LPCAT3: variants seen among roughly 807,000 people sequenced by gnomAD.
The protein encoded by LPCAT3 is lysophospholipid acyltransferase 5.
Under a neutral mutation model 63.4 loss-of-function variants are expected in LPCAT3, and 21 were observed. The ratio of observed to expected loss-of-function variants is 0.33; its 90% CI spans 0.23 to 0.48. The LOEUF (loss-of-function observed/expected upper bound fraction) is 0.48. Ranked by LOEUF, LPCAT3 falls within the 20% of genes least tolerant of loss-of-function variation. LPCAT3 has a pLI of 0.99. For missense variants in LPCAT3, 451 were observed against 590.6 expected, an observed-to-expected ratio of 0.76 and a Z score of 2.45; for synonymous variants, 242 against 227.5, an observed-to-expected ratio of 1.06 and a Z score of -0.58.
intron 1 of LPCAT3, among the ~76,000 whole-genome samples, chr12:7,003,359 G>GTT (rs200605460): frequency 1.7e-4 from 24 of 137,982 alleles, no homozygotes; most frequent in African/African-American, 5.5e-4. Flanking sequence ...AGTAGGGTGA[G>GTT]TTTTTTTTTT....
intron 1 of LPCAT3, among the ~76,000 whole-genome samples, chr12:7,011,032 T>G (rs1421693740): frequency 6.6e-6 from 1 of 152,172 alleles, no homozygotes; most frequent in Non-Finnish European, 1.5e-5. Context: ...TTATTTATTT[T>G]TGAGACAGAA....
chr12:6,993,395 C>G (rs946706688), intron 1 of LPCAT3, among the ~76,000 whole-genome samples: 1 of 151,456 alleles, frequency 6.6e-6, no homozygotes, highest in Non-Finnish European at 1.5e-5. Flanking sequence ...GATTGCGCCA[C>G]TGCACTCCAG....
Position 6,981,167 on chromosome 12 carries a change from C to T in LPCAT3, c.514G>A (p.Glu172Lys). 1.2e-6 allele frequency: 2 copies of T among 1,609,332 alleles called. No individual in the cohort carries two copies. The highest frequency in any genetic ancestry group is 1.1e-5 in the South Asian group (1 of 90,404). Residue 172 changes from glutamate to lysine, a missense_variant, in exon 6 of 13, where the codon GAG (glutamate) becomes AAG (lysine). Glu to Lys is a moderately conservative substitution (Grantham distance 56). Around this residue, in one of 3 missense-constraint regions of LPCAT3, gnomAD observed 304 missense variants for 390.8 expected, o/e 0.78. Coordinates refer to ENST00000261407, the MANE Select transcript of LPCAT3 (RefSeq NM_005768.6). ...CCACGTATGGCATATTTCTGTTGCT[C>T]AGAGGACAAGGAATTCTATGCCAAG... ...GGKDQNSLSSEQQKYAIRGVP... is the reference protein window; with the variant it reads ...GGKDQNSLSSKQQKYAIRGVP...
At chr12:7,000,861 C>T (rs1946681103) in intron 1 of LPCAT3, among the ~76,000 whole-genome samples, 10 of 151,790 alleles carry the variant, frequency 6.6e-5, no homozygotes, top group Non-Finnish European at 1.3e-4. Flanking sequence ...TGCCCGCCAC[C>T]ACGCCTGGCT....
chr12:6,981,376 T>C, intron 5 of LPCAT3, 194 bp from the exon 6 acceptor site: 2 of 670,794 alleles, frequency 3.0e-6, no homozygotes, highest in South Asian at 1.9e-5. Flanking sequence ...CTTTAGCAAA[T>C]GCCTTGCTGG....
At chr12:6,981,252 C>T (rs1946468640) in intron 5 of LPCAT3, 70 bp from the exon 6 acceptor site, 1 of 1,294,558 alleles carries the variant, frequency 7.7e-7, no homozygotes, top group Non-Finnish European at 1.1e-6. Context: ...TTTGAGTGTT[C>T]CCCACCTGTG....
chr12:6,993,730 T>C (rs1555155768), intron 1 of LPCAT3, among the ~76,000 whole-genome samples: 1 of 152,250 alleles, frequency 6.6e-6, no homozygotes. Context: ...TTCCTGTTTA[T>C]GGCTGAATAA....
At chr12:7,009,388 G>T (rs1434827785) in intron 1 of LPCAT3, among the ~76,000 whole-genome samples, 1 of 152,156 alleles carries the variant, frequency 6.6e-6, no homozygotes, top group African/African-American at 2.4e-5. Context: ...GTACTATCAG[G>T]ACATCAAGTA....
Position 7,018,327 on chromosome 12 carries a change from G to A in LPCAT3, c.98C>T (p.Thr33Met). ...FQELSLNKLA[T>M]SLGASEQALR... ...CGCCTGTTCTGACGCGCCCAGGGAC[G>A]TCGCCAACTTGTTAAGGCTCAGCTC... Residue 33 changes from threonine (T) to methionine (M), a missense_variant, in exon 1 of 13, where the codon ACG (threonine) becomes ATG (methionine). Physicochemically the swap from Thr to Met is moderately conservative, Grantham distance 81. This residue lies in a region of LPCAT3 where 133 missense variants were observed against 152.1 expected (regional missense o/e 0.87). Transcript: ENST00000261407. This position sits in a 1 kb window ranked among gnomAD's most constrained non-coding sequence, Gnocchi z 4.9. 6.2e-7 allele frequency: 1 copy of A among 1,610,788 alleles called. No homozygotes were observed. Among genetic ancestry groups the A allele is most frequent in the Non-Finnish European group, 8.5e-7 (1 of 1,178,780 alleles).
At chr12:7,013,555 G>A (rs1490087120) in intron 1 of LPCAT3, among the ~76,000 whole-genome samples, 1 of 152,156 alleles carries the variant, frequency 6.6e-6, no homozygotes, top group African/African-American at 2.4e-5. Flanking sequence ...GATAGGATTG[G>A]GTGACTGGGA....
In LPCAT3 at chr12:6,985,072, A is replaced by AT. The variant is rs374834474; in HGVS notation, c.152-1534dup. Among the ~76,000 whole-genome samples the AT allele has an allele frequency of 1.5e-3, 204 of 133,796 alleles. 1 individual carries two copies. Among genetic ancestry groups the AT allele is most frequent in the African/African-American group, 5.6e-3 (196 of 34,906 alleles). The allele number at this position is 133,796 out of a possible 152,430, so 87.8% of individuals were successfully genotyped here. On this transcript the variant is annotated intron_variant, in intron 1 of 12. Coordinates refer to ENST00000261407, the MANE Select transcript of LPCAT3 (RefSeq NM_005768.6). ...TATGTTGGTTTCTGTCCTTCTAGTC[A>AT]TTTTTCCCCCATACATTAAAAAAAA...
chr12:7,003,449 T>C (rs1179304156), intron 1 of LPCAT3, among the ~76,000 whole-genome samples: 1 of 152,090 alleles, frequency 6.6e-6, no homozygotes, highest in Non-Finnish European at 1.5e-5. Flanking sequence ...TACTATCCAT[T>C]GGTTTTCAAT....
At chr12:7,008,868 C>T (rs1270617649) in intron 1 of LPCAT3, among the ~76,000 whole-genome samples, 2 of 152,090 alleles carry the variant, frequency 1.3e-5, no homozygotes, top group African/African-American at 4.8e-5. Flanking sequence ...AACATAATAA[C>T]AATGTGAACA....
intron 1 of LPCAT3, among the ~76,000 whole-genome samples, chr12:6,986,856 T>C (rs114193199): frequency 0.044 from 6,555 of 149,636 alleles, 232 homozygotes; most frequent in African/African-American, 0.098. Flanking sequence ...AGCTCACACC[T>C]GTAATCCCCT....
At chr12:7,003,356 TGA>T (rs1946702843) in intron 1 of LPCAT3, among the ~76,000 whole-genome samples, 1 of 150,380 alleles carries the variant, frequency 6.6e-6, no homozygotes, top group African/African-American at 2.5e-5. Context: ...GGGAGTAGGG[TGA>T]GTTTTTTTTT....
Position 7,018,198 on chromosome 12 carries a change from G to C in LPCAT3, c.151+76C>G, listed in dbSNP as rs868942352. On this transcript the variant is annotated intron_variant, in intron 1 of 12. Transcript: ENST00000261407. The surrounding 1 kb of genome is among the most constrained non-coding windows in gnomAD (Gnocchi z 4.9). ...CCTCCCGGGTGGCTCCGGGAAGAGA[G>C]GGAGGTCCTGTCCCCATTCCTCCCC... 1.3e-6 allele frequency: 2 copies of C among 1,529,724 alleles called. No individual in the cohort carries two copies. The highest frequency in any genetic ancestry group is 1.8e-6 in the Non-Finnish European group (2 of 1,128,340). 94.8% of individuals were successfully genotyped at this position (1,529,724 alleles called of 1,614,324 possible).
intron 2 of LPCAT3, 185 bp from the exon 3 acceptor site, chr12:6,982,967 T>C: frequency 1.5e-6 from 1 of 668,036 alleles, no homozygotes; most frequent in Non-Finnish European, 2.7e-6. Context: ...TAGGGTGTTA[T>C]TTTATTTCTT....
chr12:6,998,998 A>C (rs1403470279), intron 1 of LPCAT3, among the ~76,000 whole-genome samples: 2 of 152,232 alleles, frequency 1.3e-5, no homozygotes, highest in Non-Finnish European at 2.9e-5. Flanking sequence ...GGCACTTGGC[A>C]GTGACCTGGG....
At chr12:6,981,518 G>A (rs1442730790) in intron 5 of LPCAT3, 77 bp downstream of exon 5, 1 of 1,451,482 alleles carries the variant, frequency 6.9e-7, no homozygotes. Context: ...TGGAATTTGG[G>A]TTCAGTCTTT....
Sources: allele counts gnomAD v4.1 joint callset (sites outside exome capture counted in the v4.1 genomes callset), GRCh38; gene constraint gnomAD v4.1.1; regional missense constraint gnomAD v4.1.1; non-coding constraint Gnocchi (gnomAD v3.1); transcripts MANE v1.5; gene names NCBI Gene and HGNC (gene_info 2026-07-23, HGNC 2026-07-21).